Variants in RIC1 observed in about 807,000 individuals in gnomAD.
RIC1 encodes guanine nucleotide exchange factor subunit RIC1.
In RIC1, 88 loss-of-function variants were observed where a neutral mutation model predicts 169.0. The observed-to-expected ratio is 0.52, with a 90% confidence interval of 0.44 to 0.62. The LOEUF is 0.62. Among genes scored for constraint, RIC1 ranks in the 20% least tolerant of loss-of-function variants. The pLI, the probability that RIC1 is intolerant of heterozygous loss-of-function variation, is 0.00. For missense variants in RIC1, 1,877 were observed against 1,725.5 expected, an observed-to-expected ratio of 1.09 and a Z score of -1.56; for synonymous variants, 790 against 601.5, an observed-to-expected ratio of 1.31 and a Z score of -4.59.
At chr9:5,770,383 A>G (rs1827126722) in intron 23 of RIC1, 105 bp downstream of exon 23, 1 of 1,044,436 alleles carries the variant, frequency 9.6e-7, no homozygotes, top group Non-Finnish European at 1.4e-6. Context: ...GTGATGGAGG[A>G]TTAACCATTT....
intron 1 of RIC1, among the ~76,000 whole-genome samples, chr9:5,644,970 C>A (rs919071366): frequency 2.6e-5 from 4 of 152,144 alleles, no homozygotes; most frequent in African/African-American, 9.7e-5. Flanking sequence ...TTTCTAATGA[C>A]TAAAAAATGT....
At chr9:5,733,027 CAA>C (rs1824465079) in intron 7 of RIC1, among the ~76,000 whole-genome samples, 1 of 151,984 alleles carries the variant, frequency 6.6e-6, no homozygotes, top group Non-Finnish European at 1.5e-5. Context: ...CATTAGAAAA[CAA>C]AGATACTGAA....
At chr9:5,641,667 C>G (rs1230869234) in intron 1 of RIC1, among the ~76,000 whole-genome samples, 1 of 115,270 alleles carries the variant, frequency 8.7e-6, no homozygotes, top group Non-Finnish European at 1.7e-5. Context: ...TCCAAGCCCA[C>G]TAATTCTTTC....
intron 2 of RIC1, among the ~76,000 whole-genome samples, chr9:5,672,437 A>T (rs1424648908): frequency 6.6e-6 from 1 of 152,228 alleles, no homozygotes; most frequent in Non-Finnish European, 1.5e-5. Context: ...AAAATTTCCT[A>T]AGAGAAAAAT....
At chr9:5,770,810 T>A (rs999330684) in intron 23 of RIC1, among the ~76,000 whole-genome samples, 1 of 152,234 alleles carries the variant, frequency 6.6e-6, no homozygotes, top group African/African-American at 2.4e-5. Context: ...GTATTTACTA[T>A]CTGGTGCTTT....
chr9:5,777,139 A>G (rs553582644), downstream of RIC1, among the ~76,000 whole-genome samples: 1 of 152,116 alleles, frequency 6.6e-6, no homozygotes, highest in African/African-American at 2.4e-5. Flanking sequence ...TAGGATTATT[A>G]GCCATTTGTC....
intron 10 of RIC1, 136 bp downstream of exon 10, chr9:5,743,873 G>C: frequency 1.5e-6 from 1 of 648,590 alleles, no homozygotes. Context: ...AGCAGTGGCA[G>C]ATCATAGCTC....
At chr9:5,629,876 A>G (rs911598379) in intron 1 of RIC1, among the ~76,000 whole-genome samples, 1 of 152,248 alleles carries the variant, frequency 6.6e-6, no homozygotes, top group African/African-American at 2.4e-5. Flanking sequence ...TTTTGGAGTT[A>G]GGGAAAGCCT....
chr9:5,668,638 C>A (rs982277589), intron 2 of RIC1, among the ~76,000 whole-genome samples: 3 of 152,112 alleles, frequency 2.0e-5, no homozygotes, highest in African/African-American at 7.2e-5. Flanking sequence ...GTACATTTAT[C>A]TTTTCCGTCT....
chr9:5,682,587 T>G (rs1376684599), intron 2 of RIC1, among the ~76,000 whole-genome samples: 1 of 152,180 alleles, frequency 6.6e-6, no homozygotes, highest in African/African-American at 2.4e-5. Context: ...TGGCTGCCCT[T>G]AACATTTTTT....
chr9:5,753,700 A>G, intron 14 of RIC1, 54 bp downstream of exon 14: 4 of 851,884 alleles, frequency 4.7e-6, no homozygotes, highest in East Asian at 2.5e-5. Context: ...GAGAACTACA[A>G]TATGAAATAG....
At chr9:5,768,244 G>A (rs1826936620) in intron 21 of RIC1, among the ~76,000 whole-genome samples, 1 of 152,198 alleles carries the variant, frequency 6.6e-6, no homozygotes, top group African/African-American at 2.4e-5. Flanking sequence ...ATTGGTTTCA[G>A]GACTGGCAAG....
chr9:5,733,247 A>T (rs1420075015), intron 7 of RIC1, among the ~76,000 whole-genome samples: 1 of 151,126 alleles, frequency 6.6e-6, no homozygotes, highest in Non-Finnish European at 1.5e-5. Context: ...ATCACCACCC[A>T]ATTTAAGTAT....
At chr9:5,629,770 C>A (rs1217752722) in intron 1 of RIC1, among the ~76,000 whole-genome samples, 2 of 152,222 alleles carry the variant, frequency 1.3e-5, no homozygotes, top group African/African-American at 4.8e-5. Context: ...TCTCTCCCTT[C>A]CCCCATTCCC....
At chr9:5,634,784 G>A (rs573661463) in intron 1 of RIC1, among the ~76,000 whole-genome samples, 3 of 151,976 alleles carry the variant, frequency 2.0e-5, no homozygotes, top group Admixed American at 6.5e-5. Flanking sequence ...AAATACCATC[G>A]TGAAAACAGA....
intron 1 of RIC1, among the ~76,000 whole-genome samples, chr9:5,630,568 G>A (rs908422510): frequency 6.6e-6 from 1 of 152,196 alleles, no homozygotes; most frequent in Non-Finnish European, 1.5e-5. Flanking sequence ...GGGATTTAGT[G>A]ACGGGTAATT....
At chr9:5,671,603 A>C (rs751208804) in intron 2 of RIC1, among the ~76,000 whole-genome samples, 3 of 152,216 alleles carry the variant, frequency 2.0e-5, no homozygotes, top group Non-Finnish European at 2.9e-5. Context: ...TAATGAAAGA[A>C]ATGAAAATAA....
intron 2 of RIC1, among the ~76,000 whole-genome samples, chr9:5,685,595 G>A (rs376008908): frequency 1.3e-5 from 2 of 149,496 alleles, no homozygotes; most frequent in Non-Finnish European, 3.0e-5. Context: ...GAAACTGGAT[G>A]CCTTCCTTAC....
At chr9:5,754,334 C>T (rs1825878788) in intron 14 of RIC1, among the ~76,000 whole-genome samples, 1 of 152,124 alleles carries the variant, frequency 6.6e-6, no homozygotes. Context: ...GTATACTTGC[C>T]TTCTTAAAGA....
Sources: gnomAD v4.1 joint callset for allele counts (sites outside exome capture counted in the v4.1 genomes callset) on GRCh38, gnomAD v4.1.1 for gene constraint, MANE v1.5 for transcripts, NCBI Gene and HGNC (gene_info 2026-07-23, HGNC 2026-07-21) for gene names.